SLC47A1: variants seen among roughly 807,000 people sequenced by gnomAD.
SLC47A1 encodes multidrug and toxin extrusion protein 1.
Under a neutral mutation model 65.8 loss-of-function variants are expected in SLC47A1, and 58 were observed. The observed-to-expected ratio is 0.88, with a 90% CI of 0.71 to 1.10. The LOEUF (loss-of-function observed/expected upper bound fraction) is 1.10. SLC47A1 is among the 50% of genes least tolerant of loss of function. SLC47A1 has a pLI of 0.00. For missense variants in SLC47A1, 706 were observed against 719.2 expected (o/e 0.98, Z 0.21); for synonymous variants, 285 against 295.0 (o/e 0.97, Z 0.35).
intron 6 of SLC47A1, among the ~76,000 whole-genome samples, chr17:19,551,806 C>T (rs151326677): frequency 3.3e-5 from 5 of 152,340 alleles, no homozygotes; most frequent in Non-Finnish European, 7.3e-5. Context: ...GGTGCATGCC[C>T]ATTTGCTCCT....
intron 4 of SLC47A1, 109 bp downstream of exon 4, chr17:19,548,242 A>C: frequency 2.9e-6 from 4 of 1,377,618 alleles, no homozygotes; most frequent in Non-Finnish European, 3.9e-6. Context: ...GGTGGTGCTC[A>C]TCTCTCCTTG....
Position 19,572,875 on chromosome 17 carries a change from C to T in SLC47A1, c.1486+14C>T. ...CGCTTCACCCAGGTAAGATATGACT[C>T]CCTCAGCCCTTGGACAGGCCTGTCT... On this transcript the variant is annotated intron_variant, in intron 16 of 16. Transcript: ENST00000270570. 6.2e-7 allele frequency: 1 copy of T among 1,613,116 alleles called. No homozygotes were observed. Among genetic ancestry groups the T allele is most frequent in the Non-Finnish European group, 8.5e-7 (1 of 1,179,080 alleles).
chr17:19,534,074 G>T lies in SLC47A1; in HGVS notation c.135G>T (p.Ala45=). 6.5e-7 allele frequency: 1 copy of T among 1,536,042 alleles called. No individual in the cohort carries two copies. Among genetic ancestry groups the T allele is most frequent in the Admixed American group, 2.0e-5 (1 of 49,472 alleles). Residue 45 remains alanine, a splice_region_variant and synonymous_variant, in exon 1 of 17, where the codon GCG becomes GCT. Transcript: ENST00000270570. ...LRALLVLAGP[A]FLVQLMVFLI... Reference sequence around the variant, plus strand: ...CGCTCTTGGTCCTGGCTGGCCCCGCGGTGAGTAAGGTGGCCTCAGTGGCAG... The same window carrying T: ...CGCTCTTGGTCCTGGCTGGCCCCGCTGTGAGTAAGGTGGCCTCAGTGGCAG...
chr17:19,560,424 T>C lies in SLC47A1; in HGVS notation c.1037T>C (p.Phe346Ser). ...CTGCCGTTTTTACCTTCAGTGCTCTTTGCTGTAGCCTTCAGTGTCCTGCTG... is the reference window on the plus strand; with the variant it reads ...CTGCCGTTTTTACCTTCAGTGCTCTCTGCTGTAGCCTTCAGTGTCCTGCTG... The part of the protein sequence containing the change: ...STVSLLITVL[F>S]AVAFSVLLLS... Residue 346 changes from phenylalanine (F) to serine (S), a missense_variant, in exon 12 of 17, where the codon TTT becomes TCT. Phe to Ser is a radical substitution (Grantham distance 155, BLOSUM62 -2). Coordinates refer to ENST00000270570, the MANE Select transcript of SLC47A1 (RefSeq NM_018242.3). 6.2e-7 allele frequency: 1 copy of C among 1,614,200 alleles called. No individual in the cohort carries two copies. Among genetic ancestry groups the C allele is most frequent in the South Asian group, 1.1e-5 (1 of 91,082 alleles).
intron 10 of SLC47A1, among the ~76,000 whole-genome samples, chr17:19,559,101 G>A (rs905129334): frequency 6.6e-6 from 1 of 152,194 alleles, no homozygotes; most frequent in Admixed American, 6.5e-5. Flanking sequence ...CAGTTAGCAT[G>A]TATGGACTCA....
intron 1 of SLC47A1, among the ~76,000 whole-genome samples, chr17:19,536,184 G>A (rs989236028): frequency 6.6e-6 from 1 of 151,506 alleles, no homozygotes; most frequent in Non-Finnish European, 1.5e-5. Flanking sequence ...CTCCTGCCTC[G>A]GCCTCCCAAG....
intron 14 of SLC47A1, chr17:19,571,157 C>A: frequency 5.3e-6 from 1 of 187,814 alleles, no homozygotes; most frequent in Non-Finnish European, 1.1e-5. Context: ...TTCCTTATAA[C>A]TGGCATTTTT....
intron 3 of SLC47A1, among the ~76,000 whole-genome samples, 199 bp downstream of exon 3, chr17:19,546,702 C>T (rs1916299975): frequency 1.3e-5 from 2 of 152,170 alleles, no homozygotes; most frequent in Admixed American, 1.3e-4. Flanking sequence ...TTTGTCTGCA[C>T]AACTGCCTTA....
chr17:19,547,378 G>T, intron 3 of SLC47A1, among the ~76,000 whole-genome samples: 1 of 129,282 alleles, frequency 7.7e-6, no homozygotes, highest in Non-Finnish European at 1.6e-5. Context: ...GATGGACTCT[G>T]GCTCTGTCAC....
chr17:19,547,887 C>A, intron 3 of SLC47A1, 98 bp from the exon 4 acceptor site: 1 of 1,401,408 alleles, frequency 7.1e-7, no homozygotes, highest in Non-Finnish European at 9.6e-7. Flanking sequence ...CTTATCCAGC[C>A]AACCTGCTTC....
intron 16 of SLC47A1, among the ~76,000 whole-genome samples, chr17:19,576,751 T>C (rs56700256): frequency 0.042 from 6,406 of 151,760 alleles, 401 homozygotes; most frequent in East Asian, 0.25. Flanking sequence ...TTTTTTTTTT[T>C]CCCTTGGAGT....
rs752168859 is a variant in SLC47A1 at position 19,548,079 on chromosome 17, T to C, written c.401T>C (p.Phe134Ser). 6.2e-7 allele frequency: 1 copy of C among 1,614,094 alleles called. No homozygotes were observed. Among genetic ancestry groups the C allele is most frequent in the South Asian group, 1.1e-5 (1 of 91,076 alleles). Reference sequence around the variant, plus strand: ...TGCTGCTTCCCCTGCTGGGCGCTCTTTCTCAACACCCAGCACATCCTGCTG... The same window carrying C: ...TGCTGCTTCCCCTGCTGGGCGCTCTCTCTCAACACCCAGCACATCCTGCTG... ...LLCCFPCWAL[F>S]LNTQHILLLF... Residue 134 changes from phenylalanine to serine, a missense_variant, in exon 4 of 17, where the codon TTT (phenylalanine) becomes TCT (serine). Transcript: ENST00000270570.
intron 6 of SLC47A1, among the ~76,000 whole-genome samples, chr17:19,554,151 T>C (rs1916535988): frequency 6.6e-6 from 1 of 152,128 alleles, no homozygotes; most frequent in Non-Finnish European, 1.5e-5. Context: ...AGAGTTATTA[T>C]AAAGGTTTGA....
rs1220219557 is a variant in SLC47A1 at position 19,560,267 on chromosome 17, A to G, written c.1001A>G (p.Lys334Arg). 3.1e-6 allele frequency: 5 copies of G among 1,613,906 alleles called. No individual in the cohort carries two copies. In the South Asian group the frequency reaches 5.5e-5, roughly 18 times the overall value. Residue 334 changes from lysine (K) to arginine (R), a missense_variant, in exon 11 of 17, where the codon AAG becomes AGG. Physicochemically the swap from Lys to Arg is conservative, Grantham distance 26 (BLOSUM62 2). Coordinates refer to ENST00000270570, the MANE Select transcript of SLC47A1 (RefSeq NM_018242.3). The stretch of plus-strand genomic sequence containing the variant: ...GCTGGAGACATGGAGCAGGCACGGA[A>G]GTCCTCTACCGTTTCCCTGCTGATT... ...LGAGDMEQAR[K>R]SSTVSLLITV...
At chr17:19,547,270 C>A (rs1567967296) in intron 3 of SLC47A1, among the ~76,000 whole-genome samples, 1 of 151,676 alleles carries the variant, frequency 6.6e-6, no homozygotes, top group African/African-American at 2.4e-5. Flanking sequence ...TCTCGAACTC[C>A]TGGGCTCAAG....
intron 1 of SLC47A1, 174 bp downstream of exon 1, chr17:19,534,248 C>G: frequency 1.3e-6 from 1 of 797,718 alleles, no homozygotes; most frequent in Non-Finnish European, 1.8e-6. Context: ...CTGCCTGCGT[C>G]CCGGCCGCTT....
chr17:19,553,022 G>A (rs1409890857), intron 6 of SLC47A1, among the ~76,000 whole-genome samples: 1 of 152,122 alleles, frequency 6.6e-6, no homozygotes, highest in Non-Finnish European at 1.5e-5. Context: ...TGGGAGATAC[G>A]ATGATGGGTG....
At chr17:19,572,705 C>A (rs972881531) in intron 15 of SLC47A1, 75 bp from the exon 16 acceptor site, 2 of 1,399,982 alleles carry the variant, frequency 1.4e-6, no homozygotes, top group Non-Finnish European at 2.0e-6. Context: ...CTTGGCTCTT[C>A]CTAAACTAGG....
intron 5 of SLC47A1, 117 bp from the exon 6 acceptor site, chr17:19,551,307 G>T (rs1378520308): frequency 1.1e-5 from 10 of 895,182 alleles, no homozygotes; most frequent in South Asian, 2.6e-5. Flanking sequence ...CTGTGGCTCC[G>T]TGCGGGAGCA....
Sources: allele counts gnomAD v4.1 joint callset (sites outside exome capture counted in the v4.1 genomes callset), GRCh38; gene constraint gnomAD v4.1.1; transcripts MANE v1.5; gene names NCBI Gene and HGNC (gene_info 2026-07-23, HGNC 2026-07-21).